RNF130: variants seen among roughly 807,000 people sequenced by gnomAD.
The protein encoded by RNF130 is E3 ubiquitin-protein ligase RNF130.
RNF130 carries 21 observed loss-of-function variants against 44.6 expected under a neutral mutation model. The ratio of observed to expected loss-of-function variants is 0.47; its 90% CI spans 0.33 to 0.68. The LOEUF (loss-of-function observed/expected upper bound fraction) is 0.68. Among genes scored for constraint, RNF130 ranks in the 30% least tolerant of loss-of-function variants. RNF130 has a pLI of 0.02. For synonymous variants in RNF130, 214 were observed against 210.4 expected (o/e 1.02, Z -0.15); for missense variants, 479 against 560.6 (o/e 0.85, Z 1.47).
chr5:179,947,233 AT>A (rs1762055277), intron 7 of RNF130, among the ~76,000 whole-genome samples: 1 of 152,098 alleles, frequency 6.6e-6, no homozygotes. Context: ...CTATTTTATT[AT>A]TTTCAGGACC....
chr5:180,045,204 A>G (rs1361106956), intron 1 of RNF130, among the ~76,000 whole-genome samples: 2 of 152,246 alleles, frequency 1.3e-5, no homozygotes, highest in African/African-American at 4.8e-5. Context: ...TATTCAGGTA[A>G]GAATAGTATG....
At chr5:179,988,012 A>AT (rs571933227) in intron 3 of RNF130, among the ~76,000 whole-genome samples, 100 of 152,290 alleles carry the variant, frequency 6.6e-4, no homozygotes, top group African/African-American at 2.4e-3. Context: ...CTCTTCTTTC[A>AT]TTTTTTGAAA....
intron 5 of RNF130, among the ~76,000 whole-genome samples, chr5:179,971,149 G>A (rs1242184176): frequency 6.6e-6 from 1 of 152,104 alleles, no homozygotes; most frequent in African/African-American, 2.4e-5. Context: ...TCTTGTGACT[G>A]GAAATAAGTC....
chr5:179,933,398 T>TTG (rs71001060), intron 7 of RNF130, among the ~76,000 whole-genome samples: 112 of 143,504 alleles, frequency 7.8e-4, no homozygotes, highest in South Asian at 1.4e-3. Context: ...ATAACCCTAT[T>TTG]TGTGTGTGTG....
chr5:180,035,813 T>C (rs1018461203), intron 2 of RNF130, among the ~76,000 whole-genome samples: 1 of 152,218 alleles, frequency 6.6e-6, no homozygotes, highest in East Asian at 1.9e-4. Context: ...ATTTCCAAAA[T>C]TGTACTCTCC....
intron 7 of RNF130, among the ~76,000 whole-genome samples, chr5:179,927,036 A>G (rs1761717778): frequency 6.6e-6 from 1 of 152,234 alleles, no homozygotes; most frequent in Non-Finnish European, 1.5e-5. Flanking sequence ...AGAACAGAGG[A>G]AAAACAGTTT....
chr5:180,021,599 C>T (rs937557309), intron 2 of RNF130, among the ~76,000 whole-genome samples: 15 of 151,946 alleles, frequency 9.9e-5, no homozygotes, highest in Non-Finnish European at 2.2e-4. Context: ...TCTAGAGTCC[C>T]AAATCATTCA....
At chr5:179,933,756 C>A in intron 7 of RNF130, 3 of 453,592 alleles carry the variant, frequency 6.6e-6, no homozygotes, top group South Asian at 2.1e-5. Flanking sequence ...CTCTTAGGCG[C>A]AAGCGATTCA....
intron 1 of RNF130, among the ~76,000 whole-genome samples, chr5:180,054,150 T>C (rs1764751237): frequency 1.3e-5 from 2 of 152,174 alleles, no homozygotes; most frequent in African/African-American, 4.8e-5. Flanking sequence ...CTCTGTTACC[T>C]ATTTTTACTT....
At chr5:180,046,845 T>C (rs987078845) in intron 1 of RNF130, among the ~76,000 whole-genome samples, 1 of 152,252 alleles carries the variant, frequency 6.6e-6, no homozygotes. Flanking sequence ...TATTAGTAAC[T>C]GGCTGTTTAC....
downstream of RNF130, among the ~76,000 whole-genome samples, chr5:179,953,179 T>C (rs1222907618): frequency 1.3e-5 from 2 of 152,178 alleles, no homozygotes; most frequent in African/African-American, 2.4e-5. Flanking sequence ...AAATTAATCA[T>C]AGTTCTACAG....
chr5:179,989,295 A>G (rs1561682440), intron 3 of RNF130, among the ~76,000 whole-genome samples: 1 of 152,246 alleles, frequency 6.6e-6, no homozygotes. Context: ...TATGGGAACT[A>G]TAATTCAAGA....
At chr5:180,032,242 G>C (rs1318575447) in intron 2 of RNF130, among the ~76,000 whole-genome samples, 1 of 152,122 alleles carries the variant, frequency 6.6e-6, no homozygotes. Context: ...TGTTTTTGGA[G>C]TTATAGGCAA....
intron 4 of RNF130, among the ~76,000 whole-genome samples, chr5:179,979,605 A>C (rs2113717603): frequency 6.6e-6 from 1 of 152,154 alleles, no homozygotes. Context: ...GCTCTACCAT[A>C]ACTAGAGCTC....
At chr5:180,060,589 G>A (rs1196680376) in intron 1 of RNF130, among the ~76,000 whole-genome samples, 1 of 152,206 alleles carries the variant, frequency 6.6e-6, no homozygotes, top group Admixed American at 6.5e-5. Context: ...TCACTTGCCA[G>A]CACTTCCACC....
chr5:179,924,147 C>A (rs1475402531), intron 7 of RNF130, among the ~76,000 whole-genome samples: 3 of 151,082 alleles, frequency 2.0e-5, no homozygotes, highest in Non-Finnish European at 3.0e-5. Flanking sequence ...GAGTTCAAGT[C>A]CAGCCTGGGC....
intron 8 of RNF130, among the ~76,000 whole-genome samples, chr5:179,957,933 A>G (rs959575451): frequency 2.0e-5 from 3 of 150,576 alleles, no homozygotes; most frequent in Admixed American, 6.6e-5. Context: ...GCTGGAGTGC[A>G]GTGGCGGGAT....
chr5:180,067,338 C>T (rs1430474975), intron 1 of RNF130, among the ~76,000 whole-genome samples: 1 of 152,122 alleles, frequency 6.6e-6, no homozygotes. Flanking sequence ...TCTGACCCTG[C>T]TATCAAATAT....
At chr5:179,980,275 A>C in intron 3 of RNF130, 75 bp from the exon 4 acceptor site, 1 of 1,353,442 alleles carries the variant, frequency 7.4e-7, no homozygotes, top group Non-Finnish European at 1.1e-6. Flanking sequence ...TAAGCAATTA[A>C]AAGTATAAAG....
Sources: allele counts gnomAD v4.1 joint callset (sites outside exome capture counted in the v4.1 genomes callset), GRCh38; gene constraint gnomAD v4.1.1; transcripts MANE v1.5; gene names NCBI Gene and HGNC (gene_info 2026-07-23, HGNC 2026-07-21).